VWC2: variants seen among roughly 807,000 people sequenced by gnomAD.
VWC2 encodes brorin.
In VWC2, 14 loss-of-function variants were observed where a neutral mutation model predicts 29.8. The ratio of observed to expected loss-of-function variants is 0.47; its 90% CI spans 0.31 to 0.74. VWC2 has a LOEUF of 0.74. Among genes scored for constraint, VWC2 ranks in the 30% least tolerant of loss-of-function variants. The pLI, the probability that VWC2 is intolerant of heterozygous loss-of-function variation, is 0.05. For synonymous variants in VWC2, 213 were observed against 199.0 expected (o/e 1.07, Z -0.59); for missense variants, 457 against 459.8 (o/e 0.99, Z 0.05).
chr7:49,835,528 GTATAAAC>G (rs1789636452), intron 3 of VWC2, among the ~76,000 whole-genome samples: 1 of 152,200 alleles, frequency 6.6e-6, no homozygotes, highest in Non-Finnish European at 1.5e-5. Context: ...AGACAATCCA[GTATAAAC>G]TGAGCTCAAC....
At chr7:49,900,621 T>C (rs1792670902) in intron 3 of VWC2, among the ~76,000 whole-genome samples, 1 of 151,616 alleles carries the variant, frequency 6.6e-6, no homozygotes, top group Admixed American at 6.6e-5. Context: ...AAATAGATAC[T>C]CCAAATAGGT....
intron 3 of VWC2, among the ~76,000 whole-genome samples, chr7:49,853,346 C>T (rs866665035): frequency 6.6e-6 from 1 of 152,184 alleles, no homozygotes; most frequent in East Asian, 1.9e-4. Flanking sequence ...CTCCCCAGGC[C>T]CAGGAAGTCA....
At chr7:49,828,242 C>A (rs993769090) in intron 3 of VWC2, among the ~76,000 whole-genome samples, 8 of 152,206 alleles carry the variant, frequency 5.3e-5, no homozygotes, top group Admixed American at 4.6e-4. Flanking sequence ...TACAAATAAA[C>A]CACAATTTGT....
At chr7:49,851,854 T>TA (rs77423510) in intron 3 of VWC2, among the ~76,000 whole-genome samples, 178 of 136,274 alleles carry the variant, frequency 1.3e-3, no homozygotes, top group East Asian at 3.8e-3. Context: ...AGACTCTGTC[T>TA]AAAAAAAAAA....
rs1439178394 is a variant in VWC2 at position 49,917,931 on chromosome 7, G to A, written c.*5746G>A. ...ATTTTCATTTCTATTAGTTTTCAGG[G>A]TTTATTCTTTTCCTAAGCATATAAT... On this transcript the variant is annotated 3_prime_UTR_variant, in exon 4 of 4. Transcript: ENST00000340652. The A allele has an allele frequency of 6.6e-6, 1 of 151,806 alleles. No homozygotes were observed. The highest frequency in any genetic ancestry group is 6.6e-5 in the Admixed American group (1 of 15,228). 9.4% of individuals were successfully genotyped at this position (151,806 alleles called of 1,614,324 possible).
intron 3 of VWC2, among the ~76,000 whole-genome samples, chr7:49,911,390 G>A (rs1384390838): frequency 1.4e-5 from 2 of 147,288 alleles, no homozygotes; most frequent in Non-Finnish European, 3.0e-5. Flanking sequence ...GCTGCGGCAG[G>A]AGAATCGCTT....
At chr7:49,795,458 T>C (rs1788567211) in intron 2 of VWC2, among the ~76,000 whole-genome samples, 1 of 152,202 alleles carries the variant, frequency 6.6e-6, no homozygotes, top group African/African-American at 2.4e-5. Flanking sequence ...TTATTCACTT[T>C]CCACACAGCC....
chr7:49,894,147 T>C (rs558528341), intron 3 of VWC2, among the ~76,000 whole-genome samples: 1 of 123,100 alleles, frequency 8.1e-6, no homozygotes, highest in Admixed American at 8.0e-5. Context: ...GTGTGTCGTT[T>C]CTAGGCTTTT....
intron 3 of VWC2, among the ~76,000 whole-genome samples, chr7:49,869,531 T>G (rs1037963388): frequency 6.6e-6 from 1 of 152,224 alleles, no homozygotes; most frequent in Non-Finnish European, 1.5e-5. Flanking sequence ...TTCTAAGCTT[T>G]ATATGTTTTA....
At position 49,884,361 on chromosome 7, in the gene VWC2, G is replaced by A. The variant is rs766729184; in HGVS notation, c.827-27673G>A. Reference sequence around the variant, plus strand: ...ATTGCCAGGGAAGAAGGCTTTAACCGGGTGCTACAGCCGAGGAGAACAGGA... The same window carrying A: ...ATTGCCAGGGAAGAAGGCTTTAACCAGGTGCTACAGCCGAGGAGAACAGGA... On this transcript the variant is annotated intron_variant, in intron 3 of 3. Transcript: ENST00000340652. Among the ~76,000 whole-genome samples, 9 of 152,306 alleles carry A rather than the reference G, an allele frequency of 5.9e-5. No homozygotes were observed. In the South Asian group the frequency reaches 1.7e-3, roughly 28 times the overall value.
At chr7:49,845,089 A>G (rs1434013243) in intron 3 of VWC2, among the ~76,000 whole-genome samples, 1 of 152,130 alleles carries the variant, frequency 6.6e-6, no homozygotes, top group Non-Finnish European at 1.5e-5. Flanking sequence ...ATGAGAACAC[A>G]TGAACACATG....
intron 3 of VWC2, among the ~76,000 whole-genome samples, chr7:49,899,986 G>A (rs1161850358): frequency 6.6e-6 from 1 of 151,712 alleles, no homozygotes; most frequent in Non-Finnish European, 1.5e-5. Flanking sequence ...CAGACTACAA[G>A]GGAATTAAAT....
chr7:49,780,855 G>A lies in VWC2; in HGVS notation c.696+4724G>A, dbSNP rs139798409. Among the ~76,000 whole-genome samples the A allele has an allele frequency of 5.1e-3, 772 of 152,248 alleles. 6 individuals carry two copies. Among genetic ancestry groups the A allele is most frequent in the Middle Eastern group, 0.02 (6 of 294 alleles). ...AACCAAATTCTCTCTGACTGCCTCCGTATCTGACTTGCCATTAACCCCACT... is the reference window on the plus strand; with the variant it reads ...AACCAAATTCTCTCTGACTGCCTCCATATCTGACTTGCCATTAACCCCACT... On this transcript the variant is annotated intron_variant, in intron 2 of 3. Transcript: ENST00000340652.
chr7:49,892,792 C>T (rs1259865960), intron 3 of VWC2, among the ~76,000 whole-genome samples: 1 of 152,082 alleles, frequency 6.6e-6, no homozygotes, highest in South Asian at 2.1e-4. Flanking sequence ...AACACTGCTC[C>T]GTGGAATGAA....
chr7:49,793,765 T>C (rs1020599228), intron 2 of VWC2, among the ~76,000 whole-genome samples: 3 of 152,216 alleles, frequency 2.0e-5, no homozygotes, highest in Admixed American at 1.3e-4. Flanking sequence ...AGGTCTTTGA[T>C]AGATAGCATA....
chr7:49,900,184 T>A (rs7794641), intron 3 of VWC2, among the ~76,000 whole-genome samples: 21 of 151,550 alleles, frequency 1.4e-4, no homozygotes, highest in African/African-American at 4.3e-4. Flanking sequence ...AAAGCAGGAC[T>A]TTAGGGACAT....
chr7:49,842,667 G>A (rs1789826058), intron 3 of VWC2, among the ~76,000 whole-genome samples: 1 of 152,168 alleles, frequency 6.6e-6, no homozygotes, highest in African/African-American at 2.4e-5. Context: ...TAAAGTTATT[G>A]GGAATAAATA....
Position 49,789,951 on chromosome 7 carries a change from G to T in VWC2, c.697-12760G>T, listed in dbSNP as rs10280501. The stretch of plus-strand genomic sequence containing the variant: ...CCCTTGGCTCCTTGCAGAGGCGGGG[G>T]TGCAGGCCGCCAGCACGTTTGGCTG... On this transcript the variant is annotated intron_variant, in intron 2 of 3. Coordinates refer to ENST00000340652, the MANE Select transcript of VWC2 (RefSeq NM_198570.5). 3.3e-5 allele frequency among the ~76,000 whole-genome samples: 5 copies of T among 152,248 alleles called. No individual in the cohort carries two copies. The South Asian group carries it at 1.0e-3, about 32-fold the overall frequency.
At chr7:49,882,981 A>T (rs1254006383) in intron 3 of VWC2, among the ~76,000 whole-genome samples, 1 of 151,900 alleles carries the variant, frequency 6.6e-6, no homozygotes, top group African/African-American at 2.4e-5. Flanking sequence ...TGTTGTCTCC[A>T]TTTCATCTCT....
Sources: gnomAD v4.1 joint callset for allele counts (sites outside exome capture counted in the v4.1 genomes callset) on GRCh38, gnomAD v4.1.1 for gene constraint, MANE v1.5 for transcripts, NCBI Gene and HGNC (gene_info 2026-07-23, HGNC 2026-07-21) for gene names.